LUZP2: variants seen among roughly 807,000 people sequenced by gnomAD.
LUZP2 encodes the protein leucine zipper protein 2.
Under a neutral mutation model 51.6 loss-of-function variants are expected in LUZP2, and 52 were observed. The observed-to-expected ratio is 1.01, with a 90% CI of 0.81 to 1.27. The LOEUF (loss-of-function observed/expected upper bound fraction) is 1.27. Ranked by LOEUF, LUZP2 falls within the 50% of genes most tolerant of loss-of-function variation. The pLI, the probability that LUZP2 is intolerant of heterozygous loss-of-function variation, is 0.00. For missense variants in LUZP2, 436 were observed against 395.4 expected (o/e 1.10, Z -0.87); for synonymous variants, 154 against 137.3 (o/e 1.12, Z -0.85).
intron 1 of LUZP2, among the ~76,000 whole-genome samples, chr11:24,602,907 T>C (rs1422416810): frequency 6.6e-6 from 1 of 151,658 alleles, no homozygotes; most frequent in African/African-American, 2.4e-5. Context: ...AGAACGAAAA[T>C]TACTATTATA....
At chr11:24,889,917 G>T (rs991608102) in intron 5 of LUZP2, among the ~76,000 whole-genome samples, 1 of 152,078 alleles carries the variant, frequency 6.6e-6, no homozygotes, top group Non-Finnish European at 1.5e-5. Context: ...GCTCATCCAG[G>T]TGCATTGTAC....
intron 1 of LUZP2, among the ~76,000 whole-genome samples, chr11:24,614,648 C>A (rs1565030105): frequency 6.6e-6 from 1 of 151,880 alleles, no homozygotes; most frequent in Non-Finnish European, 1.5e-5. Context: ...TGATTTAGAT[C>A]TTTGTACTGC....
At position 24,958,258 on chromosome 11, in the gene LUZP2, G is replaced by A. The variant is rs566304863; in HGVS notation, c.523-18333G>A. Among the ~76,000 whole-genome samples the A allele has an allele frequency of 4.6e-5, 7 of 152,244 alleles. No individual in the cohort carries two copies. The South Asian group carries it at 8.3e-4, about 18-fold the overall frequency. On this transcript the variant is annotated intron_variant, in intron 7 of 11. Transcript: ENST00000336930. ...AGCAGCATGATTTATAGTCCTTTGG[G>A]TATATACCCAGTAATGGGATGGCTG...
At chr11:24,522,455 G>A (rs778984004) in intron 1 of LUZP2, among the ~76,000 whole-genome samples, 3 of 151,892 alleles carry the variant, frequency 2.0e-5, no homozygotes, top group Non-Finnish European at 2.9e-5. Flanking sequence ...AAGTGCATCC[G>A]TAAGCAAGTC....
chr11:24,824,873 T>G (rs1850478158), intron 5 of LUZP2, among the ~76,000 whole-genome samples: 1 of 152,140 alleles, frequency 6.6e-6, no homozygotes, highest in East Asian at 1.9e-4. Flanking sequence ...ACAAAATAAA[T>G]TACAATCCAT....
At chr11:24,547,156 C>A (rs10834380) in intron 1 of LUZP2, among the ~76,000 whole-genome samples, 63,149 of 151,208 alleles carry the variant, frequency 0.42, 13,672 homozygotes, top group African/African-American at 0.51. Context: ...ATAAGATTCT[C>A]TGATGGTTAT....
intron 1 of LUZP2, among the ~76,000 whole-genome samples, chr11:24,562,992 T>C (rs1161307714): frequency 6.6e-6 from 1 of 152,200 alleles, no homozygotes; most frequent in Non-Finnish European, 1.5e-5. Flanking sequence ...TTCTGCAAAC[T>C]ACTTGCAAAA....
intron 5 of LUZP2, among the ~76,000 whole-genome samples, chr11:24,838,349 C>G (rs1850919016): frequency 6.6e-6 from 1 of 151,490 alleles, no homozygotes; most frequent in Admixed American, 6.6e-5. Flanking sequence ...GGAGATGTGT[C>G]TCAGTTTATC....
At chr11:24,637,267 T>A (rs1175032343) in intron 1 of LUZP2, among the ~76,000 whole-genome samples, 2 of 151,760 alleles carry the variant, frequency 1.3e-5, no homozygotes, top group Non-Finnish European at 2.9e-5. Context: ...CCCAAATTAA[T>A]ACTTTTATAA....
At chr11:24,939,545 T>C (rs1171685799) in intron 7 of LUZP2, among the ~76,000 whole-genome samples, 1 of 151,654 alleles carries the variant, frequency 6.6e-6, no homozygotes, top group Non-Finnish European at 1.5e-5. Context: ...TAAATATTCA[T>C]AGGAAGGAAG....
Position 24,517,267 on chromosome 11 carries a change from T to C in LUZP2, c.62+19962T>C, listed in dbSNP as rs181074875. 2.6e-4 allele frequency among the ~76,000 whole-genome samples: 40 copies of C among 151,852 alleles called. 2 individuals carry two copies. The East Asian group carries it at 6.8e-3, about 26-fold the overall frequency. The stretch of plus-strand genomic sequence containing the variant: ...TTGGGAGGCCAAGGTGGGCGGATCA[T>C]GAGGTCAGGAGATCGAGACCATCCT... On this transcript the variant is annotated intron_variant, in intron 1 of 11. Coordinates refer to ENST00000336930, the MANE Select transcript of LUZP2 (RefSeq NM_001009909.4).
intron 10 of LUZP2, among the ~76,000 whole-genome samples, chr11:25,064,755 G>A (rs1288541082): frequency 3.3e-5 from 5 of 151,830 alleles, no homozygotes; most frequent in Non-Finnish European, 2.9e-5. Context: ...TTCCCAATCT[G>A]CTCTCTCTCT....
chr11:24,746,151 G>C (rs957323185), intron 4 of LUZP2, among the ~76,000 whole-genome samples: 8 of 152,134 alleles, frequency 5.3e-5, no homozygotes, highest in African/African-American at 1.9e-4. Context: ...TATAGGTCCT[G>C]TGTGATTTAT....
intron 1 of LUZP2, among the ~76,000 whole-genome samples, chr11:24,577,610 A>G (rs1397638798): frequency 6.6e-6 from 1 of 151,978 alleles, no homozygotes; most frequent in African/African-American, 2.4e-5. Context: ...AAGAGGAAAA[A>G]GAAAGAAAAA....
intron 5 of LUZP2, among the ~76,000 whole-genome samples, chr11:24,825,197 T>A (rs1487620345): frequency 2.0e-5 from 3 of 152,186 alleles, no homozygotes; most frequent in Non-Finnish European, 2.9e-5. Context: ...TTTAAAAAAA[T>A]TATGTTTCCA....
chr11:24,711,511 A>G (rs944962349), intron 1 of LUZP2, among the ~76,000 whole-genome samples: 23 of 151,378 alleles, frequency 1.5e-4, no homozygotes, highest in African/African-American at 5.6e-4. Flanking sequence ...TTTTGTAGGT[A>G]TAGACATCAG....
chr11:25,061,838 G>T (rs1208002557), intron 10 of LUZP2, among the ~76,000 whole-genome samples: 8 of 151,974 alleles, frequency 5.3e-5, no homozygotes, highest in Non-Finnish European at 1.2e-4. Flanking sequence ...CATGCATAAA[G>T]AGAAATGATA....
At chr11:24,754,437 TGAG>T (rs1349627571) in intron 4 of LUZP2, among the ~76,000 whole-genome samples, 1 of 152,178 alleles carries the variant, frequency 6.6e-6, no homozygotes, top group African/African-American at 2.4e-5. Context: ...TAGTGACCCA[TGAG>T]GAGAAGTTGA....
chr11:24,789,750 C>T (rs1335888444), intron 5 of LUZP2, among the ~76,000 whole-genome samples: 3 of 152,162 alleles, frequency 2.0e-5, no homozygotes, highest in Non-Finnish European at 4.4e-5. Flanking sequence ...AAGATGACAC[C>T]TCTTGCTGTG....
Sources: allele counts gnomAD v4.1 joint callset (sites outside exome capture counted in the v4.1 genomes callset), GRCh38; gene constraint gnomAD v4.1.1; transcripts MANE v1.5; gene names NCBI Gene and HGNC (gene_info 2026-07-23, HGNC 2026-07-21).